PKHD1: variants seen among roughly 807,000 people sequenced by gnomAD.
PKHD1 encodes fibrocystin.
In PKHD1, 291 loss-of-function variants were observed where a neutral mutation model predicts 412.0. The ratio of observed to expected loss-of-function variants is 0.71; its 90% CI spans 0.64 to 0.78. PKHD1 has a LOEUF of 0.78. PKHD1 is among the 30% of genes least tolerant of loss of function. The probability of loss-of-function intolerance (pLI) is 0.00; values close to 1 mark genes in which losing one functional copy is unlikely to be tolerated. For missense variants in PKHD1, 4,825 were observed against 4,950.7 expected, an observed-to-expected ratio of 0.97 and a Z score of 0.76; for synonymous variants, 1,777 against 1,821.5, an observed-to-expected ratio of 0.98 and a Z score of 0.62.
Position 51,616,679 on chromosome 6 carries a change from C to T in PKHD1, c.*2402G>A. On this transcript the variant is annotated 3_prime_UTR_variant, in exon 67 of 67. Transcript: ENST00000371117. ...TTAGGCCCAAAGAGTCAATTCTGGC[C>T]TCAGGGATCACAGGCTTTTCTGGGA... 2.5e-6 allele frequency: 1 copy of T among 398,338 alleles called. No homozygotes were observed. Among genetic ancestry groups the T allele is most frequent in the Non-Finnish European group, 4.4e-6 (1 of 225,944 alleles). 24.7% of individuals were successfully genotyped at this position (398,338 alleles called of 1,614,324 possible).
intron 48 of PKHD1, among the ~76,000 whole-genome samples, chr6:51,857,264 G>C (rs1455173307): frequency 6.6e-6 from 1 of 151,998 alleles, no homozygotes; most frequent in Non-Finnish European, 1.5e-5. Flanking sequence ...CTTTGGTTTA[G>C]TTTTCATGAG....
Position 51,670,655 on chromosome 6 carries a change from C to G in PKHD1, c.10157-10686G>C, listed in dbSNP as rs1420351723. ...TTCTTCCTAGTCTCGATGGTCTTTA[C>G]AATTTGGCATGATTTTGCAGAGGCT... On this transcript the variant is annotated intron_variant, in intron 60 of 66. Transcript: ENST00000371117. Among the ~76,000 whole-genome samples, 4 of 152,078 alleles carry G rather than the reference C, an allele frequency of 2.6e-5. No individual in the cohort carries two copies. The East Asian group carries it at 7.7e-4, about 29-fold the overall frequency.
chr6:51,725,275 C>T (rs1471028515), intron 60 of PKHD1, among the ~76,000 whole-genome samples: 1 of 152,098 alleles, frequency 6.6e-6, no homozygotes, highest in Non-Finnish European at 1.5e-5. Flanking sequence ...GCCTCTGGAT[C>T]TTTTTTAAAC....
chr6:51,773,923 G>T (rs551980283), intron 54 of PKHD1, among the ~76,000 whole-genome samples: 33 of 151,718 alleles, frequency 2.2e-4, no homozygotes, highest in Non-Finnish European at 4.0e-4. Context: ...GATATAAAAA[G>T]AACCCCATTT....
chr6:51,902,309 AAAAAAATCCTAATTATC>A (rs1781419316), intron 43 of PKHD1, among the ~76,000 whole-genome samples: 1 of 152,140 alleles, frequency 6.6e-6, no homozygotes, highest in African/African-American at 2.4e-5. Flanking sequence ...AAATAACAAC[AAAAAAATCCTAATTATC>A]ATTAGGATTT....
Position 51,761,185 on chromosome 6 carries a change from G to A in PKHD1, c.8643-6247C>T, listed in dbSNP as rs1117477. On this transcript the variant is annotated intron_variant, in intron 55 of 66. Coordinates refer to ENST00000371117, the MANE Select transcript of PKHD1 (RefSeq NM_138694.4). ...TATAGAGTCAATCTAGGTGCCCATCGACAAATGAATGGATAAAGAAAATGC... is the reference window on the plus strand; with the variant it reads ...TATAGAGTCAATCTAGGTGCCCATCAACAAATGAATGGATAAAGAAAATGC... Among the ~76,000 whole-genome samples the A allele has an allele frequency of 2.1e-3, 317 of 152,022 alleles. 2 individuals carry two copies. The highest frequency in any genetic ancestry group is 2.6e-3 in the Non-Finnish European group (177 of 67,952).
intron 60 of PKHD1, among the ~76,000 whole-genome samples, chr6:51,725,971 T>C (rs1273584175): frequency 6.6e-6 from 1 of 152,204 alleles, no homozygotes; most frequent in Non-Finnish European, 1.5e-5. Context: ...AATGCAGCTC[T>C]GGTGGCCTTG....
At chr6:51,798,831 T>C (rs1326564) in intron 52 of PKHD1, among the ~76,000 whole-genome samples, 89,855 of 152,042 alleles carry the variant, frequency 0.59, 27,220 homozygotes, top group East Asian at 0.83. Flanking sequence ...AACCTGATTG[T>C]ACAAAACAAT....
At chr6:51,658,539 C>G (rs112394951) in intron 61 of PKHD1, among the ~76,000 whole-genome samples, 29 of 152,194 alleles carry the variant, frequency 1.9e-4, no homozygotes, top group African/African-American at 6.5e-4. Flanking sequence ...CTTATTAGCA[C>G]TATCACAAAT....
chr6:51,938,918 CTCTCT>C (rs901170781), intron 36 of PKHD1, among the ~76,000 whole-genome samples: 8 of 151,654 alleles, frequency 5.3e-5, no homozygotes, highest in African/African-American at 1.9e-4. Context: ...ACTTCAATCT[CTCTCT>C]TCTCTTAATT....
intron 36 of PKHD1, among the ~76,000 whole-genome samples, chr6:51,957,399 G>C (rs1359447075): frequency 2.6e-5 from 4 of 152,112 alleles, no homozygotes; most frequent in African/African-American, 9.7e-5. Context: ...CTACAAAAGT[G>C]TTCAGGAAAC....
intron 28 of PKHD1, 102 bp downstream of exon 28, chr6:52,035,489 T>C (rs1803795492): frequency 8.7e-7 from 1 of 1,150,590 alleles, no homozygotes; most frequent in East Asian, 2.3e-5. Flanking sequence ...AATGAGAAGT[T>C]TACATCAGTT....
At chr6:52,031,361 T>C (rs1224382787) in intron 29 of PKHD1, among the ~76,000 whole-genome samples, 1 of 152,248 alleles carries the variant, frequency 6.6e-6, no homozygotes, top group Non-Finnish European at 1.5e-5. Flanking sequence ...GGCTGCCAAC[T>C]GATCAGACCA....
At chr6:51,900,804 T>A (rs1583279422) in intron 43 of PKHD1, among the ~76,000 whole-genome samples, 1 of 151,600 alleles carries the variant, frequency 6.6e-6, no homozygotes, top group Non-Finnish European at 1.5e-5. Flanking sequence ...GAATCTACAA[T>A]GAACTCAAAC....
chr6:51,716,881 T>C (rs1000523353), intron 60 of PKHD1, among the ~76,000 whole-genome samples: 1 of 150,946 alleles, frequency 6.6e-6, no homozygotes, highest in South Asian at 2.1e-4. Flanking sequence ...AGGCCAAGAG[T>C]CATAAGGAGC....
intron 49 of PKHD1, among the ~76,000 whole-genome samples, chr6:51,848,846 A>G (rs900510607): frequency 2.0e-5 from 3 of 151,878 alleles, no homozygotes. Flanking sequence ...AGCTTAGGGA[A>G]TTCCACTGGA....
chr6:51,941,296 C>G (rs1275924610), intron 36 of PKHD1, among the ~76,000 whole-genome samples: 42 of 122,744 alleles, frequency 3.4e-4, no homozygotes, highest in African/African-American at 1.3e-3. Flanking sequence ...TCGCCCAGGC[C>G]GGACTGCGGA....
chr6:52,028,289 C>G lies in PKHD1; in HGVS notation c.3427G>C (p.Val1143Leu), dbSNP rs560942967. ...LMNYTDLDVEVHVQDALAPVH... is the reference protein window; with the variant it reads ...LMNYTDLDVELHVQDALAPVH... ...GGAGCCAAGGCATCCTGGACGTGGA[C>G]TTCCACATCCAAATCCGTATAGTTC... Residue 1143 changes from valine (V) to leucine (L), a missense_variant, in exon 30 of 67, where the codon GTC becomes CTC. Physicochemically the swap from Val to Leu is conservative, Grantham distance 32. Transcript: ENST00000371117. 1 of 1,614,082 alleles carries G rather than the reference C, an allele frequency of 6.2e-7. No individual in the cohort carries two copies. The highest frequency in any genetic ancestry group is 2.2e-5 in the East Asian group (1 of 44,868).
At chr6:51,743,798 G>A (rs1784857277) in intron 60 of PKHD1, among the ~76,000 whole-genome samples, 1 of 152,166 alleles carries the variant, frequency 6.6e-6, no homozygotes, top group Non-Finnish European at 1.5e-5. Flanking sequence ...GAGTCAGCTT[G>A]TTAGTGGAAA....
Sources: allele counts gnomAD v4.1 joint callset (sites outside exome capture counted in the v4.1 genomes callset), GRCh38; gene constraint gnomAD v4.1.1; transcripts MANE v1.5; gene names NCBI Gene and HGNC (gene_info 2026-07-23, HGNC 2026-07-21).